Variants in STARD9 observed in about 807,000 individuals in gnomAD.
STARD9 encodes StAR related lipid transfer domain containing 9, also known as stAR-related lipid transfer protein 9.
STARD9 carries 346 observed loss-of-function variants against 399.8 expected under a neutral mutation model. That is an observed-to-expected ratio of 0.87 (90% CI 0.79 to 0.95). The LOEUF is 0.95. STARD9 is among the 40% of genes least tolerant of loss of function. STARD9 has a pLI of 0.00. For synonymous variants in STARD9, 2,203 were observed against 2,143.5 expected (o/e 1.03, Z -0.77); for missense variants, 5,832 against 5,667.5 (o/e 1.03, Z -0.93).
intron 1 of STARD9, among the ~76,000 whole-genome samples, chr15:42,581,931 G>T (rs1595575719): frequency 6.6e-6 from 1 of 152,058 alleles, no homozygotes; most frequent in Non-Finnish European, 1.5e-5. Flanking sequence ...CAGGAGAATC[G>T]CATGAACCCA....
intron 30 of STARD9, 33 bp from the exon 31 acceptor site, chr15:42,718,402 G>T: frequency 6.6e-7 from 1 of 1,512,926 alleles, no homozygotes. Context: ...CTGTCCATGG[G>T]CCTCCTGACC....
At position 42,717,969 on chromosome 15, in the gene STARD9, C is replaced by T; in HGVS notation, c.13560-8C>T. 2.6e-6 allele frequency: 4 copies of T among 1,536,140 alleles called. No individual in the cohort carries two copies. The highest frequency in any genetic ancestry group is 3.5e-6 in the Non-Finnish European group (4 of 1,145,984). The stretch of plus-strand genomic sequence containing the variant: ...TTTCTATTTTCTGTGCTTGGTGTCT[C>T]CCCCCAGCTATCAGGGTGAGGAGCA... On this transcript the variant is annotated splice_polypyrimidine_tract_variant and splice_region_variant and intron_variant, in intron 29 of 32. Coordinates refer to ENST00000290607, the MANE Select transcript of STARD9 (RefSeq NM_020759.3).
intron 3 of STARD9, chr15:42,630,008 T>C (rs902744430): frequency 6.2e-5 from 9 of 146,196 alleles, no homozygotes; most frequent in Non-Finnish European, 1.1e-4. Context: ...TTCTTTTTTT[T>C]TTTTTTTTTT....
rs2140246108 is a variant in STARD9 at position 42,687,215 on chromosome 15, C to T, written c.5637C>T (p.His1879=). The part of the protein sequence containing the change: ...ENQVVILNKK[H]SFPALEGGEV... ...AAGTTGTAATTTTAAATAAAAAACA[C>T]AGTTTTCCAGCACTTGAGGGAGGAG... Residue 1879 remains histidine (H), a synonymous_variant, in exon 23 of 33, where the codon CAC becomes CAT. Transcript: ENST00000290607. 6.5e-7 allele frequency: 1 copy of T among 1,537,312 alleles called. No homozygotes were observed. The highest frequency in any genetic ancestry group is 8.7e-7 in the Non-Finnish European group (1 of 1,146,952).
chr15:42,651,129 C>T (rs573060310), intron 8 of STARD9, 44 bp downstream of exon 8: 5 of 1,357,166 alleles, frequency 3.7e-6, no homozygotes, highest in Admixed American at 4.1e-5. Flanking sequence ...TCCTCACACT[C>T]CTATCCTGTG....
intron 7 of STARD9, among the ~76,000 whole-genome samples, chr15:42,640,541 G>T (rs2059512674): frequency 1.3e-5 from 2 of 151,852 alleles, no homozygotes; most frequent in Admixed American, 6.6e-5. Context: ...CTGTGTGTGG[G>T]CCGGGTGCAG....
chr15:42,617,619 C>G (rs1008220306), intron 3 of STARD9, among the ~76,000 whole-genome samples: 3 of 152,154 alleles, frequency 2.0e-5, no homozygotes, highest in Non-Finnish European at 4.4e-5. Flanking sequence ...CTTGTGCTTT[C>G]AACAGTCATT....
In STARD9 at chr15:42,694,297, C is replaced by T; in HGVS notation, c.12719C>T (p.Ala4240Val). 6.6e-7 allele frequency: 1 copy of T among 1,517,332 alleles called. No homozygotes were observed. The highest frequency in any genetic ancestry group is 2.0e-5 in the Admixed American group (1 of 49,244). The allele number at this position is 1,517,332 out of a possible 1,614,324, so 94.0% of individuals were successfully genotyped here. ...CAGAGTGGGACAGGGGAGGCGCTTG[C>T]TGCTGATGAACCTGTGACATCCACC... ...VLQSGTGEAL[A>V]ADEPVTSTWK... Residue 4240 changes from alanine to valine, a missense_variant, in exon 23 of 33, where the codon GCT (alanine) becomes GTT (valine). Physicochemically the swap from Ala to Val is moderately conservative, Grantham distance 64 (BLOSUM62 0). Coordinates refer to ENST00000290607, the MANE Select transcript of STARD9 (RefSeq NM_020759.3).
chr15:42,645,242 A>G, intron 7 of STARD9, among the ~76,000 whole-genome samples: 1 of 152,230 alleles, frequency 6.6e-6, no homozygotes, highest in East Asian at 1.9e-4. Flanking sequence ...AATCACTGTG[A>G]CAACTATAGC....
Position 42,691,438 on chromosome 15 carries a change from G to C in STARD9, c.9860G>C (p.Arg3287Thr). 1 of 1,537,242 alleles carries C rather than the reference G, an allele frequency of 6.5e-7. No homozygotes were observed. The highest frequency in any genetic ancestry group is 8.7e-7 in the Non-Finnish European group (1 of 1,146,906). Residue 3287 changes from arginine (R) to threonine (T), a missense_variant, in exon 23 of 33, where the codon AGG becomes ACG. Arg to Thr is a moderately conservative substitution (Grantham distance 71). Coordinates refer to ENST00000290607, the MANE Select transcript of STARD9 (RefSeq NM_020759.3). ...QNETPQPAAQ[R>T]SGHLYTGREQ... Reference sequence around the variant, plus strand: ...GAAACACCGCAGCCTGCTGCTCAGAGGAGTGGCCACCTCTACACTGGCAGA... The same window carrying C: ...GAAACACCGCAGCCTGCTGCTCAGACGAGTGGCCACCTCTACACTGGCAGA...
At position 42,692,671 on chromosome 15, in the gene STARD9, T is replaced by C; in HGVS notation, c.11093T>C (p.Leu3698Pro). The C allele has an allele frequency of 1.3e-6, 2 of 1,536,968 alleles. No homozygotes were observed. Among genetic ancestry groups the C allele is most frequent in the Non-Finnish European group, 1.7e-6 (2 of 1,146,870 alleles). The change falls in exon 23 of 33, where the codon CTC becomes CCC. Residue 3698 changes from leucine (L) to proline (P), a missense_variant. Coordinates refer to ENST00000290607, the MANE Select transcript of STARD9 (RefSeq NM_020759.3). ...LHSTSELLGS[L>P]SQPDVARREQ... is the part of the protein sequence containing the mutation. ...AGTACCTCAGAGCTGCTTGGGAGTC[T>C]CTCCCAGCCAGATGTGGCCAGAAGG...
chr15:42,647,420 A>G (rs2059666463), intron 7 of STARD9, among the ~76,000 whole-genome samples: 1 of 152,094 alleles, frequency 6.6e-6, no homozygotes, highest in South Asian at 2.1e-4. Context: ...AGGCTTTATT[A>G]TTACATGCAT....
chr15:42,619,421 C>G (rs894513132), intron 3 of STARD9, among the ~76,000 whole-genome samples: 1 of 151,812 alleles, frequency 6.6e-6, no homozygotes, highest in Non-Finnish European at 1.5e-5. Context: ...AAAAATTAGC[C>G]GGGCATGGTG....
At chr15:42,658,480 G>T (rs2059923506) in intron 9 of STARD9, among the ~76,000 whole-genome samples, 2 of 136,970 alleles carry the variant, frequency 1.5e-5, no homozygotes, top group African/African-American at 2.8e-5. Flanking sequence ...CTGGCCTTTT[G>T]CACTTTTTTT....
rs564632546 is a variant in STARD9 at position 42,603,961 on chromosome 15, C to T, written c.234+18324C>T. ...ATCCCTGACTGCATGACTCCTGCAC[C>T]GTAATTTCTAGTCTTGTGGCTAATG... On this transcript the variant is annotated intron_variant, in intron 3 of 32. Transcript: ENST00000290607. 8.6e-4 allele frequency among the ~76,000 whole-genome samples: 131 copies of T among 152,214 alleles called. 1 individual carries two copies. The highest frequency in any genetic ancestry group is 2.9e-3 in the African/African-American group (121 of 41,518).
At chr15:42,612,174 C>A (rs2058864259) in intron 3 of STARD9, among the ~76,000 whole-genome samples, 1 of 152,160 alleles carries the variant, frequency 6.6e-6, no homozygotes, top group African/African-American at 2.4e-5. Context: ...GACAGGGTCT[C>A]TCTATATTGC....
intron 9 of STARD9, among the ~76,000 whole-genome samples, chr15:42,659,638 T>C (rs746802782): frequency 6.6e-6 from 1 of 152,130 alleles, no homozygotes; most frequent in Non-Finnish European, 1.5e-5. Flanking sequence ...GCCATTTTCC[T>C]CCTCAGCCTC....
rs1444581146 is a variant in STARD9 at position 42,690,944 on chromosome 15, C to T, written c.9366C>T (p.Asp3122=). 9.8e-6 allele frequency: 15 copies of T among 1,537,074 alleles called. No homozygotes were observed. The East Asian group carries it at 2.4e-4, about 25-fold the overall frequency. The change falls in exon 23 of 33, where the codon GAC becomes GAT. Residue 3122 remains aspartate, a synonymous_variant. Coordinates refer to ENST00000290607, the MANE Select transcript of STARD9 (RefSeq NM_020759.3). ...AGTTTAGGGACAGCTCTGTAGGTGA[C>T]CAGAATGCACAGGTGTGTCAAACCA... ...LRQFRDSSVG[D]QNAQVCQTNP...
chr15:42,693,400 T>C lies in STARD9; in HGVS notation c.11822T>C (p.Val3941Ala). 1 of 1,537,196 alleles carries C rather than the reference T, an allele frequency of 6.5e-7. No individual in the cohort carries two copies. The highest frequency in any genetic ancestry group is 8.7e-7 in the Non-Finnish European group (1 of 1,146,904). ...AAGCTTGACTCCAGCCCAGACCCTG[T>C]TGATGCCCCAAGGACTCCAATGGAT... The part of the protein sequence containing the change: ...HQKLDSSPDP[V>A]DAPRTPMDNY... The change falls in exon 23 of 33, where the codon GTT becomes GCT. Residue 3941 changes from valine (V) to alanine (A), a missense_variant. Coordinates refer to ENST00000290607, the MANE Select transcript of STARD9 (RefSeq NM_020759.3).
Sources: gnomAD v4.1 joint callset for allele counts (sites outside exome capture counted in the v4.1 genomes callset) on GRCh38, gnomAD v4.1.1 for gene constraint, MANE v1.5 for transcripts, NCBI Gene and HGNC (gene_info 2026-07-23, HGNC 2026-07-21) for gene names.